Variants in RAB11FIP4 observed in about 807,000 individuals in gnomAD.
RAB11FIP4 encodes rab11 family-interacting protein 4.
A neutral mutation model predicts 74.3 loss-of-function variants in RAB11FIP4; 23 were observed. The ratio of observed to expected loss-of-function variants is 0.31; its 90% CI spans 0.22 to 0.44. The LOEUF (loss-of-function observed/expected upper bound fraction) is 0.44, where lower values mean the gene tolerates loss of function less well. Ranked by LOEUF, RAB11FIP4 falls within the 20% of genes least tolerant of loss-of-function variation. The pLI is 1.00. For synonymous variants in RAB11FIP4, 360 were observed against 359.9 expected (o/e 1.00, Z 0.00); for missense variants, 630 against 863.9 (o/e 0.73, Z 3.39).
intron 3 of RAB11FIP4, among the ~76,000 whole-genome samples, chr17:31,515,170 TG>T (rs1220095264): frequency 6.6e-6 from 1 of 152,182 alleles, no homozygotes; most frequent in Non-Finnish European, 1.5e-5. Context: ...TGGAACCTAA[TG>T]GCTGCTCAGT....
chr17:31,422,845 C>CT (rs1341092895), intron 1 of RAB11FIP4, among the ~76,000 whole-genome samples: 3 of 150,890 alleles, frequency 2.0e-5, no homozygotes, highest in Non-Finnish European at 4.4e-5. Context: ...GTTATAATAA[C>CT]TTTTTTAAAG....
chr17:31,400,032 G>T (rs1378801987), intron 1 of RAB11FIP4, among the ~76,000 whole-genome samples: 2 of 148,330 alleles, frequency 1.3e-5, no homozygotes, highest in Non-Finnish European at 3.0e-5. Flanking sequence ...GACAGAGTGA[G>T]ATTCCATCTC....
intron 1 of RAB11FIP4, among the ~76,000 whole-genome samples, chr17:31,395,718 C>T (rs2070922876): frequency 1.3e-5 from 2 of 152,118 alleles, no homozygotes; most frequent in African/African-American, 4.8e-5. Flanking sequence ...AGGCAGCTGA[C>T]TAAATGCAGT....
rs1171634100 is a variant in RAB11FIP4, at chr17:31,534,905, A to G, written c.*3173A>G. 1 of 154,354 alleles carries G rather than the reference A, an allele frequency of 6.5e-6. No homozygotes were observed. Among genetic ancestry groups the G allele is most frequent in the East Asian group, 1.9e-4 (1 of 5,190 alleles). 9.6% of individuals were successfully genotyped at this position (154,354 alleles called of 1,614,324 possible). ...GCCACGCAAAATGAACTGAACCAGG[A>G]GTGAGCTTCGTGTACATTATCTATT... On this transcript the variant is annotated 3_prime_UTR_variant, in exon 15 of 15. Coordinates refer to ENST00000621161, the MANE Select transcript of RAB11FIP4 (RefSeq NM_032932.6).
At position 31,528,616 on chromosome 17, in the gene RAB11FIP4, G is replaced by A. The variant is rs374185261; in HGVS notation, c.1495-4G>A. 100 of 1,613,218 alleles carry A rather than the reference G, an allele frequency of 6.2e-5. No individual in the cohort carries two copies. Among genetic ancestry groups the A allele is most frequent in the Middle Eastern group, 1.6e-4 (1 of 6,082 alleles). The stretch of plus-strand genomic sequence containing the variant: ...TCCTGCCAACCTGCTTCTCTCCCTC[G>A]CAGCTCATCGAGGACTTGCGGAAGG... On this transcript the variant is annotated splice_region_variant and splice_polypyrimidine_tract_variant and intron_variant, in intron 12 of 14. Transcript: ENST00000621161.
chr17:31,505,908 CATT>C (rs1304411948), intron 3 of RAB11FIP4, among the ~76,000 whole-genome samples: 1 of 144,770 alleles, frequency 6.9e-6, no homozygotes, highest in Admixed American at 7.1e-5. Flanking sequence ...GATGGAGTCT[CATT>C]ATGTTTCCCA....
At chr17:31,413,136 GC>G (rs1456273841) in intron 1 of RAB11FIP4, among the ~76,000 whole-genome samples, 1 of 152,170 alleles carries the variant, frequency 6.6e-6, no homozygotes. Context: ...ACTGGCGGGA[GC>G]TTTTCAGTTT....
intron 3 of RAB11FIP4, among the ~76,000 whole-genome samples, chr17:31,480,444 T>A (rs536842676): frequency 1.3e-5 from 2 of 152,242 alleles, no homozygotes; most frequent in East Asian, 3.9e-4. Flanking sequence ...AGCAGGCAAG[T>A]GCACAGCCAC....
At chr17:31,448,069 C>T (rs1228685034) in intron 3 of RAB11FIP4, among the ~76,000 whole-genome samples, 2 of 152,088 alleles carry the variant, frequency 1.3e-5, no homozygotes, top group Non-Finnish European at 2.9e-5. Flanking sequence ...GTCTCGGCCT[C>T]CCAAAATGCT....
chr17:31,451,611 C>T lies in RAB11FIP4; in HGVS notation c.336+17489C>T, dbSNP rs527610703. On this transcript the variant is annotated intron_variant, in intron 3 of 14. Transcript: ENST00000621161. ...TTTGACCTTGCCCCTCCCAGATTCC[C>T]GGTGACTCTCACTGTTCAGCCACCC... Among the ~76,000 whole-genome samples, 9 of 152,244 alleles carry T rather than the reference C, an allele frequency of 5.9e-5. No homozygotes were observed. The East Asian group carries it at 1.5e-3, about 26-fold the overall frequency.
At chr17:31,392,088 G>T (rs1479093001) in intron 1 of RAB11FIP4, 77 bp downstream of exon 1, 232 of 1,031,744 alleles carry the variant, frequency 2.2e-4, no homozygotes, top group Middle Eastern at 4.2e-4. Flanking sequence ...TCCCCCGCCG[G>T]GTCACCCGCG....
chr17:31,418,180 G>T (rs1040929027), intron 1 of RAB11FIP4, among the ~76,000 whole-genome samples: 2 of 152,296 alleles, frequency 1.3e-5, no homozygotes, highest in East Asian at 3.9e-4. Flanking sequence ...CTGAGGTCAG[G>T]AGTTCGAGAC....
intron 3 of RAB11FIP4, among the ~76,000 whole-genome samples, chr17:31,517,392 A>G (rs929616207): frequency 1.3e-5 from 2 of 152,120 alleles, no homozygotes; most frequent in Non-Finnish European, 1.5e-5. Flanking sequence ...TAAAGTGGCT[A>G]GCCTGACTGT....
intron 3 of RAB11FIP4, among the ~76,000 whole-genome samples, chr17:31,495,104 C>T (rs1198383507): frequency 1.3e-5 from 2 of 152,242 alleles, no homozygotes; most frequent in African/African-American, 4.8e-5. Flanking sequence ...TGCTGCCCAT[C>T]TGCCACTGCC....
At chr17:31,468,568 T>G (rs1193245453) in intron 3 of RAB11FIP4, among the ~76,000 whole-genome samples, 1 of 152,168 alleles carries the variant, frequency 6.6e-6, no homozygotes, top group Non-Finnish European at 1.5e-5. Context: ...CTGTGTCTCA[T>G]GCCTGTAATC....
chr17:31,449,720 G>A (rs1375422217), intron 3 of RAB11FIP4, among the ~76,000 whole-genome samples: 1 of 151,200 alleles, frequency 6.6e-6, no homozygotes, highest in Admixed American at 6.6e-5. Flanking sequence ...TTTATTTTTT[G>A]TAGAGATGGG....
chr17:31,525,441 C>G, intron 10 of RAB11FIP4: 1 of 583,282 alleles, frequency 1.7e-6, no homozygotes, highest in African/African-American at 1.9e-5. Context: ...TTCCCAGGAG[C>G]GTGGCTCACA....
intron 4 of RAB11FIP4, chr17:31,518,545 A>G (rs2072603542): frequency 6.6e-6 from 1 of 152,188 alleles, no homozygotes; most frequent in Non-Finnish European, 1.5e-5. Context: ...GGATGTCTGC[A>G]CTAAGTTCAG....
chr17:31,490,609 C>T (rs1438804681), intron 3 of RAB11FIP4, among the ~76,000 whole-genome samples: 1 of 151,706 alleles, frequency 6.6e-6, no homozygotes, highest in Non-Finnish European at 1.5e-5. Flanking sequence ...AAGCTGGAGT[C>T]AAGTGGTGTG....
Sources: allele counts gnomAD v4.1 joint callset (sites outside exome capture counted in the v4.1 genomes callset), GRCh38; gene constraint gnomAD v4.1.1; transcripts MANE v1.5; gene names NCBI Gene and HGNC (gene_info 2026-07-23, HGNC 2026-07-21).